Variants in FHOD3 observed in about 807,000 individuals in gnomAD.
The protein encoded by FHOD3 is formin homology 2 domain containing 3.
A neutral mutation model predicts 173.0 loss-of-function variants in FHOD3; 90 were observed. The observed-to-expected ratio is 0.52, with a 90% confidence interval of 0.44 to 0.62. The LOEUF (loss-of-function observed/expected upper bound fraction) is 0.62, where lower values mean the gene tolerates loss of function less well. Ranked by LOEUF, FHOD3 falls within the 20% of genes least tolerant of loss-of-function variation. The pLI, the probability that FHOD3 is intolerant of heterozygous loss-of-function variation, is 0.00. For missense variants in FHOD3, 1,945 were observed against 2,034.7 expected, an observed-to-expected ratio of 0.96 and a Z score of 0.85; for synonymous variants, 828 against 823.0, an observed-to-expected ratio of 1.01 and a Z score of -0.10.
At chr18:36,720,520 G>A (rs1316243857) in intron 19 of FHOD3, among the ~76,000 whole-genome samples, 10 of 152,080 alleles carry the variant, frequency 6.6e-5, no homozygotes, top group Admixed American at 1.3e-4. Flanking sequence ...TTACAGGAGT[G>A]AGCCACTGCG....
intron 5 of FHOD3, among the ~76,000 whole-genome samples, chr18:36,550,060 G>T (rs1030689399): frequency 6.6e-5 from 10 of 151,682 alleles, no homozygotes; most frequent in African/African-American, 2.4e-4. Context: ...TTGAAAAAAT[G>T]ATCTTTTCTT....
intron 10 of FHOD3, among the ~76,000 whole-genome samples, chr18:36,630,048 T>G (rs1401243756): frequency 1.3e-5 from 2 of 151,968 alleles, no homozygotes; most frequent in Admixed American, 1.3e-4. Context: ...AAATTCTGCC[T>G]TAGGGGAAGG....
At chr18:36,623,360 C>T (rs1213774786) in intron 9 of FHOD3, among the ~76,000 whole-genome samples, 1 of 152,180 alleles carries the variant, frequency 6.6e-6, no homozygotes, top group Non-Finnish European at 1.5e-5. Context: ...ATCAACACAT[C>T]AGGTCAGAAT....
rs116178056 is a variant in FHOD3, at chr18:36,648,656, C to T, written c.1197-660C>T. Among the ~76,000 whole-genome samples, 1,318 of 152,088 alleles carry T rather than the reference C, an allele frequency of 8.7e-3. 12 individuals carry two copies. The highest frequency in any genetic ancestry group is 0.03 in the African/African-American group (1,253 of 41,474). The stretch of plus-strand genomic sequence containing the variant: ...CAGGGTGTCCTTATAGTGAGTCATC[C>T]CTGATGGTACCAGGAGAAACCCCAG... On this transcript the variant is annotated intron_variant, in intron 10 of 28. Transcript: ENST00000590592.
Position 36,717,856 on chromosome 18 carries a change from A to T in FHOD3, c.2558A>T (p.Asp853Val). 6.3e-7 allele frequency: 1 copy of T among 1,589,610 alleles called. No individual in the cohort carries two copies. The highest frequency in any genetic ancestry group is 8.6e-7 in the Non-Finnish European group (1 of 1,165,936). Residue 853 changes from aspartate (D) to valine (V), a missense_variant, in exon 19 of 29, where the codon GAT (aspartate) becomes GTT (valine). Physicochemically the swap from Asp to Val is radical, Grantham distance 152. Transcript: ENST00000590592. The stretch of plus-strand genomic sequence containing the variant: ...GGTTTGTGGCCCGCAGGTGTCCAGG[A>T]TGCAGGTGTAAATGGACAGTGTGGC... ...TTGLWPAGVQ[D>V]AGVNGQCGDI... is the part of the protein sequence containing the mutation.
At chr18:36,631,212 C>G (rs1005727420) in intron 10 of FHOD3, among the ~76,000 whole-genome samples, 1 of 152,164 alleles carries the variant, frequency 6.6e-6, no homozygotes, top group Admixed American at 6.5e-5. Flanking sequence ...ACTACCGCTC[C>G]TAAGGAGTGG....
chr18:36,395,115 AC>A (rs1274621263), intron 3 of FHOD3, among the ~76,000 whole-genome samples: 2 of 152,128 alleles, frequency 1.3e-5, no homozygotes, highest in Non-Finnish European at 2.9e-5. Context: ...GAATAACAGT[AC>A]TACCACCATC....
chr18:36,625,316 G>A (rs1257959902), intron 9 of FHOD3, among the ~76,000 whole-genome samples, 195 bp from the exon 10 acceptor site: 2 of 152,210 alleles, frequency 1.3e-5, no homozygotes, highest in African/African-American at 4.8e-5. Flanking sequence ...ACAGTGGCAG[G>A]CATCTTCCAG....
intron 3 of FHOD3, among the ~76,000 whole-genome samples, chr18:36,494,261 G>A (rs1037960898): frequency 6.6e-5 from 10 of 152,152 alleles, no homozygotes; most frequent in Non-Finnish European, 1.2e-4. Context: ...TGGTCCCCAG[G>A]GGTCTCCAAT....
intron 13 of FHOD3, among the ~76,000 whole-genome samples, chr18:36,656,313 A>G (rs1415164261): frequency 6.6e-6 from 1 of 152,190 alleles, no homozygotes; most frequent in Non-Finnish European, 1.5e-5. Flanking sequence ...TTGGAGAAGC[A>G]ATTAACCTGT....
At chr18:36,705,199 C>T (rs1568637381) in intron 17 of FHOD3, among the ~76,000 whole-genome samples, 1 of 152,186 alleles carries the variant, frequency 6.6e-6, no homozygotes, top group Non-Finnish European at 1.5e-5. Context: ...CCTCCATCAA[C>T]ACACAGCGCT....
chr18:36,475,551 G>T (rs2053518532), intron 3 of FHOD3, among the ~76,000 whole-genome samples: 1 of 152,108 alleles, frequency 6.6e-6, no homozygotes, highest in Non-Finnish European at 1.5e-5. Flanking sequence ...TAATGGGAAG[G>T]ACTTGCCATC....
At position 36,492,531 on chromosome 18, in the gene FHOD3, T is replaced by C. The variant is rs557718923; in HGVS notation, c.338-9401T>C. ...AAACCAACGGCTGAGACTGTTTTCA[T>C]TTACAATTATAACCTCATGCTCAGC... On this transcript the variant is annotated intron_variant, in intron 3 of 28. Coordinates refer to ENST00000590592, the MANE Select transcript of FHOD3 (RefSeq NM_001281740.3). Among the ~76,000 whole-genome samples the C allele has an allele frequency of 3.3e-5, 5 of 152,352 alleles. No individual in the cohort carries two copies. In the East Asian group the frequency reaches 9.6e-4, roughly 29 times the overall value.
intron 3 of FHOD3, among the ~76,000 whole-genome samples, chr18:36,446,497 C>G (rs1291082526): frequency 1.3e-5 from 2 of 151,644 alleles, no homozygotes; most frequent in Non-Finnish European, 2.9e-5. Flanking sequence ...TCCTCATTGG[C>G]AAGTTTTGCC....
intron 5 of FHOD3, among the ~76,000 whole-genome samples, chr18:36,534,656 A>G (rs1163059528): frequency 3.3e-5 from 5 of 152,160 alleles, no homozygotes; most frequent in African/African-American, 1.2e-4. Flanking sequence ...CGTTAAGCCC[A>G]GCATCTGCCT....
rs112390341 is a variant in FHOD3, at chr18:36,742,887, C to T, written c.3879+31C>T. The T allele has an allele frequency of 2.6e-5, 42 of 1,594,322 alleles. 1 individual carries two copies. In the African/African-American group the frequency reaches 3.0e-4, roughly 11 times the overall value. On this transcript the variant is annotated intron_variant, in intron 22 of 28. Transcript: ENST00000590592. ...TCATCCCCATCCCTCATCCTGTAGCCCCCCCTTGTCACAAAATCCCTGCCC... is the reference window on the plus strand; with the variant it reads ...TCATCCCCATCCCTCATCCTGTAGCTCCCCCTTGTCACAAAATCCCTGCCC...
intron 3 of FHOD3, among the ~76,000 whole-genome samples, chr18:36,384,965 A>G (rs1195948535): frequency 1.3e-5 from 2 of 151,766 alleles, no homozygotes; most frequent in Non-Finnish European, 2.9e-5. Context: ...CCATTAGAAC[A>G]CCATCAAAAT....
At chr18:36,378,848 A>T (rs1007279237) in intron 3 of FHOD3, among the ~76,000 whole-genome samples, 8 of 151,474 alleles carry the variant, frequency 5.3e-5, no homozygotes, top group Admixed American at 2.6e-4. Flanking sequence ...ATGCCCAGCT[A>T]TTTTTTTTGT....
At chr18:36,375,046 T>C (rs1435422728) in intron 3 of FHOD3, among the ~76,000 whole-genome samples, 1 of 152,222 alleles carries the variant, frequency 6.6e-6, no homozygotes, top group Non-Finnish European at 1.5e-5. Context: ...CTGGAATAGG[T>C]TTATTAGCAC....
Sources: allele counts gnomAD v4.1 joint callset (sites outside exome capture counted in the v4.1 genomes callset), GRCh38; gene constraint gnomAD v4.1.1; transcripts MANE v1.5; gene names NCBI Gene and HGNC (gene_info 2026-07-23, HGNC 2026-07-21).